Variants in KLRG1 observed in about 807,000 individuals in gnomAD.
KLRG1 encodes the protein killer cell lectin-like receptor subfamily G member 1.
KLRG1 carries 16 observed loss-of-function variants against 21.8 expected under a neutral mutation model. The ratio of observed to expected loss-of-function variants is 0.73; its 90% CI spans 0.50 to 1.11. KLRG1 has a LOEUF of 1.11. Ranked by LOEUF, KLRG1 falls within the 50% of genes most tolerant of loss-of-function variation. The probability of loss-of-function intolerance (pLI) is 0.00; values close to 1 mark genes in which losing one functional copy is unlikely to be tolerated. For synonymous variants in KLRG1, 69 were observed against 75.9 expected (o/e 0.91, Z 0.47); for missense variants, 173 against 218.3 (o/e 0.79, Z 1.31).
the KLRG1 span, chr12:9,093,603 A>G: frequency 7.3e-7 from 1 of 1,374,992 alleles, no homozygotes; most frequent in Non-Finnish European, 1.0e-6. Flanking sequence ...GGAAGAAGAC[A>G]TTACAATAAA....
the KLRG1 span, among the ~76,000 whole-genome samples, chr12:9,114,004 A>T: frequency 8.8e-4 from 134 of 152,302 alleles, no homozygotes; most frequent in African/African-American, 2.6e-3. Context: ...GCCCTGTGAA[A>T]ATTGTATGGT....
At chr12:9,158,595 C>T in the KLRG1 span, 7 of 1,612,686 alleles carry the variant, frequency 4.3e-6, no homozygotes, top group Non-Finnish European at 5.9e-6. Flanking sequence ...AGGAAAAATG[C>T]AGTGCTGAGG....
chr12:8,966,207 C>A (rs369600551), intron 1 of KLRG1, among the ~76,000 whole-genome samples: 2 of 152,102 alleles, frequency 1.3e-5, no homozygotes, highest in African/African-American at 4.8e-5. Context: ...TTAAAGACTT[C>A]AATGTTAGAC....
At chr12:9,078,086 T>G in the KLRG1 span, among the ~76,000 whole-genome samples, 1 of 152,166 alleles carries the variant, frequency 6.6e-6, no homozygotes, top group East Asian at 1.9e-4. Flanking sequence ...AATTTTATTT[T>G]AGTTCCGAGA....
chr12:8,995,442 C>G (rs2137355914), intron 3 of KLRG1, among the ~76,000 whole-genome samples, 154 bp downstream of exon 3: 1 of 152,222 alleles, frequency 6.6e-6, no homozygotes, highest in South Asian at 2.1e-4. Context: ...CCCTCTTCTT[C>G]TCTTTCCTCT....
the KLRG1 span, among the ~76,000 whole-genome samples, chr12:9,020,674 G>A: frequency 3.9e-5 from 6 of 152,210 alleles, no homozygotes; most frequent in African/African-American, 1.2e-4. Flanking sequence ...TTTGATGGAC[G>A]TTTAAGTTGT....
At chr12:8,974,906 C>T (rs11048358) in intron 1 of KLRG1, among the ~76,000 whole-genome samples, 120,108 of 150,482 alleles carry the variant, frequency 0.8, 48,165 homozygotes, top group Admixed American at 0.84. Flanking sequence ...TCTTCTTCTT[C>T]TTTTTTTGAG....
the KLRG1 span, among the ~76,000 whole-genome samples, chr12:9,088,220 CA>C: frequency 2.3e-4 from 35 of 150,202 alleles, no homozygotes; most frequent in Middle Eastern, 3.3e-3. Flanking sequence ...GAAAAATGTT[CA>C]GGGGGGTGAC....
chr12:9,202,535 TG>T, the KLRG1 span: 4 of 1,614,138 alleles, frequency 2.5e-6, no homozygotes, highest in Non-Finnish European at 3.4e-6. Flanking sequence ...CTGTCTGTCC[TG>T]GTTTATACAT....
chr12:9,170,759 C>T, the KLRG1 span, among the ~76,000 whole-genome samples: 4 of 152,210 alleles, frequency 2.6e-5, no homozygotes. This position sits in a 1 kb window ranked among gnomAD's most constrained non-coding sequence, Gnocchi z 4.6. Context: ...TAAGTGGGAC[C>T]CTGATCCATT....
At chr12:8,988,601 A>G (rs1286086080), upstream of KLRG1, among the ~76,000 whole-genome samples, 3 of 151,768 alleles carry the variant, frequency 2.0e-5, no homozygotes, top group South Asian at 2.1e-4. Flanking sequence ...TTTTAGACGG[A>G]GTTTCACTCT....
the KLRG1 span, among the ~76,000 whole-genome samples, chr12:9,050,472 G>T: frequency 2.0e-5 from 3 of 152,190 alleles, no homozygotes; most frequent in African/African-American, 7.2e-5. Flanking sequence ...GGCTCCCCAA[G>T]GTGCTGCTGC....
chr12:9,107,387 T>G, the KLRG1 span: 4 of 1,096,372 alleles, frequency 3.6e-6, no homozygotes, highest in Non-Finnish European at 5.1e-6. Context: ...TTCATGATTT[T>G]TTTTGAAAAA....
At chr12:9,052,226 G>C in the KLRG1 span, among the ~76,000 whole-genome samples, 2 of 152,132 alleles carry the variant, frequency 1.3e-5, no homozygotes, top group African/African-American at 4.8e-5. Context: ...TGGCTCTTTC[G>C]AGGACACTGA....
intron 1 of KLRG1, chr12:8,971,042 C>T (rs988058092): frequency 2.0e-5 from 3 of 152,044 alleles, no homozygotes; most frequent in Admixed American, 6.5e-5. Context: ...GAAGGCGGAG[C>T]GTCTGTAATT....
chr12:9,148,883 T>C, the KLRG1 span: 22 of 1,134,580 alleles, frequency 1.9e-5, no homozygotes, highest in Non-Finnish European at 2.6e-5. Flanking sequence ...ATATTTTTAG[T>C]GTCTATTTTA....
At chr12:9,149,424 G>T in the KLRG1 span, 1 of 813,370 alleles carries the variant, frequency 1.2e-6, no homozygotes, top group Non-Finnish European at 1.9e-6. Flanking sequence ...CTACGCCACA[G>T]TTTTGTCTTG....
At chr12:9,036,945 TG>T in the KLRG1 span, 2 of 269,896 alleles carry the variant, frequency 7.4e-6, no homozygotes. Flanking sequence ...GGGCAGAATT[TG>T]GAGGCTCAGT....
At chr12:9,095,508 G>T in the KLRG1 span, 3 of 1,592,514 alleles carry the variant, frequency 1.9e-6, no homozygotes, top group African/African-American at 1.3e-5. Context: ...AGAAGCTTAA[G>T]ATCAGACCAT....
Sources: allele counts gnomAD v4.1 joint callset (sites outside exome capture counted in the v4.1 genomes callset), GRCh38; gene constraint gnomAD v4.1.1; non-coding constraint Gnocchi (gnomAD v3.1); transcripts MANE v1.5; gene names NCBI Gene and HGNC (gene_info 2026-07-23, HGNC 2026-07-21).